ASB14: variants seen among roughly 807,000 people sequenced by gnomAD.
ASB14 encodes the protein ankyrin repeat and SOCS box protein 14.
ASB14 carries 63 observed loss-of-function variants against 55.6 expected under a neutral mutation model. That is an observed-to-expected ratio of 1.13 (90% CI 0.92 to 1.40). ASB14 has a LOEUF of 1.40. Ranked by LOEUF, ASB14 falls within the 40% of genes most tolerant of loss-of-function variation. ASB14 has a pLI of 0.00. For missense variants in ASB14, 724 were observed against 710.4 expected (o/e 1.02, Z -0.22); for synonymous variants, 256 against 259.9 (o/e 0.98, Z 0.15).
At chr3:57,272,583 C>A (rs17791685) in intron 10 of ASB14, 27,752 of 151,862 alleles carry the variant, frequency 0.18, 2,840 homozygotes, top group African/African-American at 0.25. Flanking sequence ...GTAAAACCTG[C>A]CACCTGAATA....
chr3:57,284,628 C>G (rs1336906388), intron 5 of ASB14, among the ~76,000 whole-genome samples: 1 of 152,202 alleles, frequency 6.6e-6, no homozygotes, highest in Non-Finnish European at 1.5e-5. Flanking sequence ...GAGAGGAAAA[C>G]TAGCTCTACC....
rs1415026618 is a variant in ASB14 at position 57,269,565 on chromosome 3, A to G, written c.*76T>C. ...GGACTTGGAAGAACAAAGTCGGTTG[A>G]TAGCTGCTTCCAGTAGACCAAACCA... On this transcript the variant is annotated 3_prime_UTR_variant, in exon 11 of 11. Transcript: ENST00000487349. 6.2e-7 allele frequency: 1 copy of G among 1,614,046 alleles called. No homozygotes were observed. Among genetic ancestry groups the G allele is most frequent in the Non-Finnish European group, 8.5e-7 (1 of 1,179,976 alleles).
chr3:57,283,189 C>T lies in ASB14; in HGVS notation c.715+5G>A. The T allele has an allele frequency of 6.4e-7, 1 of 1,552,204 alleles. No individual in the cohort carries two copies. The highest frequency in any genetic ancestry group is 2.4e-5 in the East Asian group (1 of 40,926). On this transcript the variant is annotated splice_donor_5th_base_variant and intron_variant, in intron 6 of 10. Coordinates refer to ENST00000487349, the MANE Select transcript of ASB14 (RefSeq NM_001142733.3). ...TTAGTGTGCTGACCAAACAGAAGAT[C>T]TTGCCTTTCCGCAGTAACATTTCCA... is the stretch of plus-strand genomic sequence containing the variant.
In ASB14 at chr3:57,277,796, C is replaced by G. The variant is rs1480544793; in HGVS notation, c.1556G>C (p.Gly519Ala). ...GATAAAATGTATTTCTGACCAGATC[C>G]CCTGTTTTTGGAGCACAGCTTTCAA... ...SKLKAVLQKQ[G>A]IWSEIHFILT... The change falls in exon 9 of 11, where the codon GGG (glycine) becomes GCG (alanine). Residue 519 changes from glycine to alanine, a missense_variant. Coordinates refer to ENST00000487349, the MANE Select transcript of ASB14 (RefSeq NM_001142733.3). The G allele has an allele frequency of 6.2e-7, 1 of 1,612,370 alleles. No homozygotes were observed. Among genetic ancestry groups the G allele is most frequent in the Non-Finnish European group, 8.5e-7 (1 of 1,179,514 alleles).
intron 5 of ASB14, among the ~76,000 whole-genome samples, chr3:57,285,058 A>T (rs1195270484): frequency 6.7e-6 from 1 of 150,118 alleles, no homozygotes; most frequent in African/African-American, 2.5e-5. Flanking sequence ...CTCCTGCCTC[A>T]GCCTCCCTAG....
intron 6 of ASB14, 182 bp downstream of exon 6, chr3:57,283,012 C>A (rs1319470794): frequency 7.2e-6 from 3 of 414,790 alleles, no homozygotes. Flanking sequence ...TATGTCAGAC[C>A]TAATAAAAAA....
At chr3:57,289,687 C>CTTTTTTTTTTTTTTTTTTTTTTTT (rs34419265) in intron 2 of ASB14, among the ~76,000 whole-genome samples, 1 of 100,290 alleles carries the variant, frequency 1.0e-5, no homozygotes, top group East Asian at 3.8e-4. Flanking sequence ...ACCTTCCATT[C>CTTTTTTTTTTTTTTTTTTTTTTTT]TTTTTTTTTT....
chr3:57,278,633 A>G lies in ASB14; in HGVS notation c.1175T>C (p.Ile392Thr), dbSNP rs577334264. The change falls in exon 8 of 11, where the codon ATA becomes ACA. Residue 392 changes from isoleucine (I) to threonine (T), a missense_variant. Ile to Thr is a moderately conservative substitution (Grantham distance 89). Transcript: ENST00000487349. Reference protein sequence around the residue: ...PNQDPVNCLQIALRMGNYELI... With the variant: ...PNQDPVNCLQTALRMGNYELI... Reference sequence around the variant, plus strand: ...CTCATAGTTGCCCATCCTGAGGGCTATCTGGAGGCAGTTAACCGGGTCTTG... The same window carrying G: ...CTCATAGTTGCCCATCCTGAGGGCTGTCTGGAGGCAGTTAACCGGGTCTTG... 62 of 1,614,238 alleles carry G rather than the reference A, an allele frequency of 3.8e-5. No homozygotes were observed. In the South Asian group the frequency reaches 6.3e-4, roughly 16 times the overall value.
chr3:57,279,273 T>TC (rs1410231144), intron 7 of ASB14, among the ~76,000 whole-genome samples: 1 of 105,618 alleles, frequency 9.5e-6, no homozygotes, highest in African/African-American at 2.9e-5. Context: ...TCTTTTTTTT[T>TC]TTTTTTTTTT....
At chr3:57,273,084 T>C (rs2060956609) in intron 10 of ASB14, 1 of 152,674 alleles carries the variant, frequency 6.5e-6, no homozygotes, top group Admixed American at 6.5e-5. Context: ...AAACTGGAAC[T>C]ATATTATACT....
intron 10 of ASB14, among the ~76,000 whole-genome samples, chr3:57,274,769 A>G (rs776080190): frequency 2.6e-5 from 4 of 152,216 alleles, no homozygotes; most frequent in Non-Finnish European, 5.9e-5. Context: ...GAGCCTCTTC[A>G]TGTCCATTAT....
chr3:57,288,052 G>C lies in ASB14; in HGVS notation c.318C>G (p.Asp106Glu), dbSNP rs755580629. ...KILEITLSAS[D>E]PSLWEQTTHN... ...GAGTGGTTTGCTCCCACAGACTGGG[G>C]TCTGAAGCTGAAATAAATTCATCAT... is the stretch of plus-strand genomic sequence containing the variant. Residue 106 changes from aspartate to glutamate, a missense_variant, in exon 5 of 11, where the codon GAC (aspartate) becomes GAG (glutamate). Transcript: ENST00000487349. 6.5e-7 allele frequency: 1 copy of C among 1,537,100 alleles called. No individual in the cohort carries two copies. Among genetic ancestry groups the C allele is most frequent in the African/African-American group, 1.4e-5 (1 of 73,030 alleles).
intron 5 of ASB14, 63 bp from the exon 6 acceptor site, chr3:57,283,502 G>A: frequency 3.4e-6 from 5 of 1,470,104 alleles, no homozygotes; most frequent in African/African-American, 2.8e-5. Flanking sequence ...TAGCATATCT[G>A]CAAGTATCCC....
chr3:57,275,505 T>G (rs2060978892), intron 10 of ASB14, among the ~76,000 whole-genome samples: 1 of 151,640 alleles, frequency 6.6e-6, no homozygotes, highest in African/African-American at 2.4e-5. Context: ...ACATAATTTA[T>G]GAGTTTTAAA....
chr3:57,272,208 G>GTAAC (rs1327673618), intron 10 of ASB14: 1 of 152,146 alleles, frequency 6.6e-6, no homozygotes, highest in Admixed American at 6.5e-5. Context: ...CAGTATGTTT[G>GTAAC]TAACTATGGC....
In ASB14 at chr3:57,292,106, TG is replaced by T; in HGVS notation, c.-71-3del. On this transcript the variant is annotated splice_region_variant and splice_polypyrimidine_tract_variant and intron_variant, in intron 1 of 10. Coordinates refer to ENST00000487349, the MANE Select transcript of ASB14 (RefSeq NM_001142733.3). ...TTTTTCCAGTTGTGAAGAGATCAAC[TG>T]CTTAAAATTACAAATGAAATTCAGA... 1 of 1,307,014 alleles carries T rather than the reference TG, an allele frequency of 7.7e-7. No individual in the cohort carries two copies. Among genetic ancestry groups the T allele is most frequent in the Non-Finnish European group, 9.9e-7 (1 of 1,011,604 alleles). 81.0% of individuals were successfully genotyped at this position (1,307,014 alleles called of 1,614,324 possible).
chr3:57,275,747 T>TA (rs1346765888), intron 10 of ASB14, among the ~76,000 whole-genome samples: 1 of 152,200 alleles, frequency 6.6e-6, no homozygotes, highest in Non-Finnish European at 1.5e-5. Context: ...GATGGGATGG[T>TA]ATACTACACA....
At chr3:57,291,865 G>A in intron 2 of ASB14, 47 bp downstream of exon 2, 1 of 1,459,466 alleles carries the variant, frequency 6.9e-7, no homozygotes, top group South Asian at 1.3e-5. Context: ...AGTGTCAGCT[G>A]TTGAATACAA....
chr3:57,277,668 CT>C (rs2061000733), intron 9 of ASB14, 98 bp downstream of exon 9: 1 of 1,105,126 alleles, frequency 9.0e-7, no homozygotes, highest in African/African-American at 1.6e-5. Flanking sequence ...TTAAGTCAAG[CT>C]TTTAACCAGA....
Sources: gnomAD v4.1 joint callset for allele counts (sites outside exome capture counted in the v4.1 genomes callset) on GRCh38, gnomAD v4.1.1 for gene constraint, MANE v1.5 for transcripts, NCBI Gene and HGNC (gene_info 2026-07-23, HGNC 2026-07-21) for gene names.